SH3RF3: variants seen among roughly 807,000 people sequenced by gnomAD.
The protein encoded by SH3RF3 is SH3 domain containing ring finger 3.
A neutral mutation model predicts 66.3 loss-of-function variants in SH3RF3; 29 were observed. The observed-to-expected ratio is 0.44, with a 90% CI of 0.33 to 0.60. The LOEUF is 0.60. Among genes scored for constraint, SH3RF3 ranks in the 20% least tolerant of loss-of-function variants. The pLI is 0.04. For synonymous variants in SH3RF3, 583 were observed against 532.0 expected (o/e 1.10, Z -1.32); for missense variants, 1,194 against 1,190.9 (o/e 1.00, Z -0.04).
chr2:109,266,190 T>C (rs1183322762), intron 1 of SH3RF3, among the ~76,000 whole-genome samples: 2 of 151,138 alleles, frequency 1.3e-5, no homozygotes, highest in Non-Finnish European at 3.0e-5. Context: ...TGCATGTGTG[T>C]GTTGTGTGTT....
At chr2:109,357,483 C>T (rs914096024) in intron 2 of SH3RF3, among the ~76,000 whole-genome samples, 6 of 152,204 alleles carry the variant, frequency 3.9e-5, no homozygotes, top group Non-Finnish European at 7.3e-5. Context: ...ACCCGGCCAA[C>T]AGAATATATT....
chr2:109,501,137 C>T (rs1300162979), intron 9 of SH3RF3, among the ~76,000 whole-genome samples: 1 of 151,966 alleles, frequency 6.6e-6, no homozygotes, highest in Non-Finnish European at 1.5e-5. Context: ...ACAGTTTTTC[C>T]TGACCCTCCC....
At chr2:109,417,706 A>G (rs1185909892) in intron 4 of SH3RF3, among the ~76,000 whole-genome samples, 2 of 152,224 alleles carry the variant, frequency 1.3e-5, no homozygotes, top group Non-Finnish European at 2.9e-5. Flanking sequence ...GCACCCGCTC[A>G]TTCTGCCAGG....
At chr2:109,300,177 G>A (rs1387324072) in intron 1 of SH3RF3, among the ~76,000 whole-genome samples, 2 of 152,004 alleles carry the variant, frequency 1.3e-5, no homozygotes, top group African/African-American at 4.8e-5. Context: ...CCTGAGATAT[G>A]CTCTCGAGAG....
chr2:109,314,507 C>T (rs1382240767), intron 1 of SH3RF3, among the ~76,000 whole-genome samples: 2 of 152,160 alleles, frequency 1.3e-5, no homozygotes, highest in Non-Finnish European at 2.9e-5. Flanking sequence ...CACCTCCGTG[C>T]AGGAATGAAT....
chr2:109,171,173 T>C (rs770494861), intron 1 of SH3RF3, among the ~76,000 whole-genome samples: 15 of 152,218 alleles, frequency 9.9e-5, no homozygotes, highest in Non-Finnish European at 1.9e-4. Context: ...ATATGTACAT[T>C]TTTTGGTTTA....
Position 109,490,885 on chromosome 2 carries a change from C to T in SH3RF3, c.2429C>T (p.Pro810Leu), listed in dbSNP as rs774296020. The T allele has an allele frequency of 4.4e-5, 68 of 1,530,496 alleles. 2 individuals are homozygous for T. The South Asian group carries it at 7.1e-4, about 16-fold the overall frequency. The allele number at this position is 1,530,496 out of a possible 1,614,324, so 94.8% of individuals were successfully genotyped here. ...TTCACATCTCCTTCCCGGCAAGCTC[C>T]GCTGTCCATGGCTGCCATCCGCCCC... is the stretch of plus-strand genomic sequence containing the variant. The part of the protein sequence containing the change: ...LNFTSPSRQA[P>L]LSMAAIRPEP... Residue 810 changes from proline (P) to leucine (L), a missense_variant, in exon 9 of 10, where the codon CCG (proline) becomes CTG (leucine). Physicochemically the swap from Pro to Leu is moderately conservative, Grantham distance 98. Coordinates refer to ENST00000309415, the MANE Select transcript of SH3RF3 (RefSeq NM_001099289.3).
At chr2:109,335,074 T>A (rs982719386) in intron 1 of SH3RF3, among the ~76,000 whole-genome samples, 1 of 152,214 alleles carries the variant, frequency 6.6e-6, no homozygotes, top group Non-Finnish European at 1.5e-5. Context: ...CTGCCTGGGA[T>A]CATGGTGGTC....
chr2:109,452,328 C>T (rs1677899258), intron 8 of SH3RF3, among the ~76,000 whole-genome samples: 1 of 152,114 alleles, frequency 6.6e-6, no homozygotes, highest in South Asian at 2.1e-4. Flanking sequence ...TAACTTTGGG[C>T]AACTTGATCA....
intron 1 of SH3RF3, among the ~76,000 whole-genome samples, chr2:109,240,626 T>C (rs1679754315): frequency 6.6e-6 from 1 of 152,190 alleles, no homozygotes; most frequent in Non-Finnish European, 1.5e-5. Flanking sequence ...AACCTTCAGC[T>C]TCTCTAATAT....
intron 1 of SH3RF3, among the ~76,000 whole-genome samples, chr2:109,162,981 C>T (rs1351044939): frequency 6.6e-6 from 1 of 152,224 alleles, no homozygotes; most frequent in African/African-American, 2.4e-5. Flanking sequence ...TTTGCACCCT[C>T]TCTGACTGAG....
At chr2:109,157,054 T>C (rs1239205422) in intron 1 of SH3RF3, among the ~76,000 whole-genome samples, 1 of 152,206 alleles carries the variant, frequency 6.6e-6, no homozygotes, top group Admixed American at 6.5e-5. Flanking sequence ...CATCTGACTG[T>C]GGGAAGGGCT....
At chr2:109,159,411 T>C (rs1362116277) in intron 1 of SH3RF3, among the ~76,000 whole-genome samples, 1 of 152,244 alleles carries the variant, frequency 6.6e-6, no homozygotes. Flanking sequence ...GGCATGAGGC[T>C]GTTGGCATTT....
At chr2:109,465,766 G>T (rs1403615617) in intron 8 of SH3RF3, among the ~76,000 whole-genome samples, 2 of 152,142 alleles carry the variant, frequency 1.3e-5, no homozygotes, top group Non-Finnish European at 2.9e-5. Context: ...AGTCTCACAT[G>T]GCAGGAGCAG....
At chr2:109,446,291 C>A (rs1677701911) in intron 7 of SH3RF3, among the ~76,000 whole-genome samples, 1 of 152,158 alleles carries the variant, frequency 6.6e-6, no homozygotes, top group Non-Finnish European at 1.5e-5. Context: ...CTCAGAGACT[C>A]ACTCTTTTAT....
intron 1 of SH3RF3, among the ~76,000 whole-genome samples, chr2:109,214,377 G>C (rs985945801): frequency 6.6e-6 from 1 of 151,800 alleles, no homozygotes; most frequent in Non-Finnish European, 1.5e-5. Flanking sequence ...CCGGGGCCAC[G>C]TGTGCTGTGT....
chr2:109,351,602 G>A (rs11897411), intron 2 of SH3RF3, among the ~76,000 whole-genome samples: 18,442 of 152,284 alleles, frequency 0.12, 1,271 homozygotes, highest in Middle Eastern at 0.24. Context: ...CAGGGCCCAC[G>A]CTGCTTTTCA....
chr2:109,501,804 C>A lies in SH3RF3; in HGVS notation c.*133C>A, dbSNP rs1679395733. 6 of 613,646 alleles carry A rather than the reference C, an allele frequency of 9.8e-6. No individual in the cohort carries two copies. The highest frequency in any genetic ancestry group is 8.1e-5 in the Admixed American group (3 of 36,984). 38.0% of individuals were successfully genotyped at this position (613,646 alleles called of 1,614,324 possible). A position where few individuals can be genotyped will look rare whatever the true frequency, so the allele number is the denominator to read the frequency against. On this transcript the variant is annotated 3_prime_UTR_variant, in exon 10 of 10. Transcript: ENST00000309415. ...AGGCACCTGGCGGGGGATACCCTGG[C>A]CCAGGGTGGGGGCCAGGGACTGTGG... is the stretch of plus-strand genomic sequence containing the variant.
chr2:109,265,814 G>A (rs1243022315), intron 1 of SH3RF3, among the ~76,000 whole-genome samples: 1 of 152,258 alleles, frequency 6.6e-6, no homozygotes, highest in African/African-American at 2.4e-5. Flanking sequence ...CAAGGGCAGA[G>A]AGAAATAATG....
Sources: allele counts gnomAD v4.1 joint callset (sites outside exome capture counted in the v4.1 genomes callset), GRCh38; gene constraint gnomAD v4.1.1; transcripts MANE v1.5; gene names NCBI Gene and HGNC (gene_info 2026-07-23, HGNC 2026-07-21).